The following ZXDC variants were observed in gnomAD, a reference collection of about 807,000 sequenced individuals.
The protein encoded by ZXDC is ZXD family zinc finger C.
In ZXDC, 58 loss-of-function variants were observed where a neutral mutation model predicts 63.6. The ratio of observed to expected loss-of-function variants is 0.91; its 90% CI spans 0.74 to 1.13. The LOEUF is 1.13. Among genes scored for constraint, ZXDC ranks in the 50% most tolerant of loss-of-function variants. The probability of loss-of-function intolerance (pLI) is 0.00; values close to 1 mark genes in which losing one functional copy is unlikely to be tolerated. For missense variants in ZXDC, 1,133 were observed against 1,148.9 expected (o/e 0.99, Z 0.20); for synonymous variants, 561 against 496.1 (o/e 1.13, Z -1.74).
At chr3:126,457,986 T>C (rs143077338) in intron 7 of ZXDC, among the ~76,000 whole-genome samples, 14 of 152,334 alleles carry the variant, frequency 9.2e-5, no homozygotes, top group African/African-American at 2.6e-4. Flanking sequence ...AATCAGTTTC[T>C]TCAACAAAAA....
intron 4 of ZXDC, among the ~76,000 whole-genome samples, chr3:126,470,691 C>G (rs773437326): frequency 2.6e-5 from 4 of 152,178 alleles, no homozygotes; most frequent in Non-Finnish European, 4.4e-5. Flanking sequence ...GGATCAGGGC[C>G]ATGAGTCAAA....
chr3:126,461,622 C>G lies in ZXDC; in HGVS notation c.2040G>C (p.Gly680=). 4 of 1,614,034 alleles carry G rather than the reference C, an allele frequency of 2.5e-6. No homozygotes were observed. The South Asian group carries it at 4.4e-5, about 18-fold the overall frequency. The part of the protein sequence containing the change: ...GAVGQQEGSH[G]LPQSTLPSPA... ...GACTGGGCAACGTGGACTGGGGCAG[C>G]CCATGGCTTCCTTCCTGCTGCCCAA... Residue 680 remains glycine, a synonymous_variant, in exon 6 of 10, where the codon GGG becomes GGC. Transcript: ENST00000389709.
chr3:126,469,364 G>T (rs963183644), intron 4 of ZXDC, among the ~76,000 whole-genome samples: 2 of 152,040 alleles, frequency 1.3e-5, no homozygotes, highest in Non-Finnish European at 2.9e-5. Context: ...GACGCACAAG[G>T]GTACCAAAAA....
At chr3:126,453,189 G>GC (rs1432486547) in intron 7 of ZXDC, 1 of 985,208 alleles carries the variant, frequency 1.0e-6, no homozygotes, top group Non-Finnish European at 1.2e-6. Flanking sequence ...GCATTTTGTT[G>GC]CAAGTATTCT....
Position 126,454,736 on chromosome 3 carries a change from A to C in ZXDC, c.2212+4917T>G, listed in dbSNP as rs995213225. Reference sequence around the variant, plus strand: ...CCCTTCTCTGCCCTTAGACAGCAGAAAGGTATACATACCCATTTATAGTTC... The same window carrying C: ...CCCTTCTCTGCCCTTAGACAGCAGACAGGTATACATACCCATTTATAGTTC... On this transcript the variant is annotated intron_variant, in intron 7 of 9. Coordinates refer to ENST00000389709, the MANE Select transcript of ZXDC (RefSeq NM_025112.5). The C allele has an allele frequency of 4.1e-6, 4 of 985,354 alleles. No homozygotes were observed. In the African/African-American group the frequency reaches 7.0e-5, roughly 17 times the overall value. The allele number at this position is 985,354 out of a possible 1,614,324, so 61.0% of individuals were successfully genotyped here.
intron 4 of ZXDC, among the ~76,000 whole-genome samples, chr3:126,468,726 C>T (rs1337706091): frequency 1.3e-5 from 2 of 152,204 alleles, no homozygotes; most frequent in Non-Finnish European, 2.9e-5. Flanking sequence ...GCCTGAGTGA[C>T]CCACGGAACC....
In ZXDC at chr3:126,438,244, A is replaced by ATTTGAT; in HGVS notation, c.*130_*131insATCAAA. 1.4e-6 allele frequency: 1 copy of ATTTGAT among 737,856 alleles called. No homozygotes were observed. The allele number at this position is 737,856 out of a possible 1,614,324, so 45.7% of individuals were successfully genotyped here. On this transcript the variant is annotated 3_prime_UTR_variant, in exon 10 of 10. Coordinates refer to ENST00000389709, the MANE Select transcript of ZXDC (RefSeq NM_025112.5). ...GAAAACATTTTTGATAAATGTACCC[A>ATTTGAT]AAAGTCTCAAAAGGGCTACGCTGGT...
chr3:126,454,887 A>G, intron 7 of ZXDC: 1 of 985,404 alleles, frequency 1.0e-6, no homozygotes, highest in South Asian at 4.7e-5. Context: ...CAAGATAAAG[A>G]AATTCACACA....
At chr3:126,461,471 ATCC>A in intron 6 of ZXDC, 61 bp downstream of exon 6, 1 of 1,525,990 alleles carries the variant, frequency 6.6e-7, no homozygotes, top group South Asian at 1.3e-5. Flanking sequence ...AATCCAGAAT[ATCC>A]TCAAGACCGA....
At chr3:126,439,111 C>A (rs973449380) in intron 9 of ZXDC, among the ~76,000 whole-genome samples, 3 of 152,054 alleles carry the variant, frequency 2.0e-5, no homozygotes, top group Admixed American at 2.0e-4. Context: ...GTTTTGATTG[C>A]GAGGGAAATG....
At position 126,474,904 on chromosome 3, in the gene ZXDC, C is replaced by A; in HGVS notation, c.907+55G>T. The A allele has an allele frequency of 2.0e-6, 3 of 1,512,902 alleles. No homozygotes were observed. The South Asian group carries it at 3.8e-5, about 19-fold the overall frequency. 93.7% of individuals were successfully genotyped at this position (1,512,902 alleles called of 1,614,324 possible). A position where few individuals can be genotyped will look rare whatever the true frequency, so the allele number is the denominator to read the frequency against. On this transcript the variant is annotated intron_variant, in intron 1 of 9. Transcript: ENST00000389709. Reference sequence around the variant, plus strand: ...GCCCCTCTGTGGGGCGGACGTGGCACCCCAGACCTGCCTGCAACACCGCGC... The same window carrying A: ...GCCCCTCTGTGGGGCGGACGTGGCAACCCAGACCTGCCTGCAACACCGCGC...
chr3:126,471,051 T>C (rs1934961071), intron 3 of ZXDC, 26 bp from the exon 4 acceptor site: 1 of 1,610,538 alleles, frequency 6.2e-7, no homozygotes, highest in Non-Finnish European at 8.5e-7. Context: ...ATAAAGGAGC[T>C]GTGATTCCTC....
At chr3:126,453,447 C>G in intron 7 of ZXDC, 2 of 985,452 alleles carry the variant, frequency 2.0e-6, no homozygotes, top group South Asian at 9.4e-5. Flanking sequence ...ACATCTGAGG[C>G]ACAAACTTGC....
chr3:126,470,922 T>C lies in ZXDC; in HGVS notation c.1243A>G (p.Thr415Ala), dbSNP rs1384380225. Reference protein sequence around the residue: ...LKGHSITHLGTKPFECPVEGC... With the variant: ...LKGHSITHLGAKPFECPVEGC... ...TCCACAGGACACTCGAACGGCTTTGTGCCTAGGTGGGTTATGCTGTGGCCT... is the reference window on the plus strand; with the variant it reads ...TCCACAGGACACTCGAACGGCTTTGCGCCTAGGTGGGTTATGCTGTGGCCT... The change falls in exon 4 of 10, where the codon ACA becomes GCA. Residue 415 changes from threonine to alanine, a missense_variant. Coordinates refer to ENST00000389709, the MANE Select transcript of ZXDC (RefSeq NM_025112.5). 6.2e-7 allele frequency: 1 copy of C among 1,614,250 alleles called. No individual in the cohort carries two copies. Among genetic ancestry groups the C allele is most frequent in the Non-Finnish European group, 8.5e-7 (1 of 1,180,044 alleles).
intron 1 of ZXDC, 54 bp from the exon 2 acceptor site, chr3:126,472,359 T>C (rs1020775863): frequency 3.8e-6 from 6 of 1,582,174 alleles, no homozygotes; most frequent in African/African-American, 1.3e-5. Flanking sequence ...TTATACAACA[T>C]AGCTAATGCT....
intron 5 of ZXDC, among the ~76,000 whole-genome samples, chr3:126,464,448 T>C (rs955321902): frequency 1.3e-5 from 2 of 152,106 alleles, no homozygotes; most frequent in Non-Finnish European, 2.9e-5. Flanking sequence ...GGTAACTGGG[T>C]GTTCTCGAGT....
chr3:126,458,672 C>T (rs1934404149), intron 7 of ZXDC: 1 of 985,316 alleles, frequency 1.0e-6, no homozygotes, highest in Non-Finnish European at 1.2e-6. Flanking sequence ...ATGTTTGTCT[C>T]TTTTTTCTTC....
chr3:126,475,492 G>T lies in ZXDC; in HGVS notation c.374C>A (p.Pro125Gln), dbSNP rs755035130. The change falls in exon 1 of 10, where the codon CCG becomes CAG. Residue 125 changes from proline to glutamine, a missense_variant. Coordinates refer to ENST00000389709, the MANE Select transcript of ZXDC (RefSeq NM_025112.5). ...PAAPPGPGVA[P>Q]AGAVTISSQD... Reference sequence around the variant, plus strand: ...GCTGCTGATGGTGACGGCGCCCGCCGGGGCTACGCCAGGGCCGGGGGGGGC... The same window carrying T: ...GCTGCTGATGGTGACGGCGCCCGCCTGGGCTACGCCAGGGCCGGGGGGGGC... 1 of 1,221,402 alleles carries T rather than the reference G, an allele frequency of 8.2e-7. No individual in the cohort carries two copies. Among genetic ancestry groups the T allele is most frequent in the Non-Finnish European group, 1.0e-6 (1 of 983,110 alleles). 75.7% of individuals were successfully genotyped at this position (1,221,402 alleles called of 1,614,324 possible).
Position 126,438,271 on chromosome 3 carries a change from T to C in ZXDC, c.*104A>G. The C allele has an allele frequency of 8.4e-6, 8 of 954,612 alleles. No individual in the cohort carries two copies. The highest frequency in any genetic ancestry group is 1.3e-5 in the Non-Finnish European group (8 of 607,118). The allele number at this position is 954,612 out of a possible 1,614,324, so 59.1% of individuals were successfully genotyped here. On this transcript the variant is annotated 3_prime_UTR_variant, in exon 10 of 10. Transcript: ENST00000389709. Reference sequence around the variant, plus strand: ...AAGTCTCAAAAGGGCTACGCTGGTCTTCTGAACGGAAACCAAATGAGGTCT... The same window carrying C: ...AAGTCTCAAAAGGGCTACGCTGGTCCTCTGAACGGAAACCAAATGAGGTCT...
Sources: allele counts gnomAD v4.1 joint callset (sites outside exome capture counted in the v4.1 genomes callset), GRCh38; gene constraint gnomAD v4.1.1; transcripts MANE v1.5; gene names NCBI Gene and HGNC (gene_info 2026-07-23, HGNC 2026-07-21).